CDH13: variants seen among roughly 807,000 people sequenced by gnomAD.
CDH13 encodes cadherin 13, also known as cadherin-13.
A neutral mutation model predicts 63.8 loss-of-function variants in CDH13; 24 were observed. That is an observed-to-expected ratio of 0.38 (90% CI 0.27 to 0.53). CDH13 has a LOEUF of 0.53. Ranked by LOEUF, CDH13 falls within the 20% of genes least tolerant of loss-of-function variation. CDH13 has a pLI of 0.85. For synonymous variants in CDH13, 503 were observed against 355.3 expected (o/e 1.42, Z -4.67); for missense variants, 1,049 against 903.1 (o/e 1.16, Z -2.07).
intron 1 of CDH13, among the ~76,000 whole-genome samples, chr16:82,779,536 T>A (rs2035652808): frequency 6.6e-6 from 1 of 152,064 alleles, no homozygotes; most frequent in African/African-American, 2.4e-5. Context: ...AGAGGGATGG[T>A]CAGTGGCTCC....
intron 10 of CDH13, among the ~76,000 whole-genome samples, chr16:83,698,450 C>G (rs1905715503): frequency 6.6e-6 from 1 of 152,202 alleles, no homozygotes; most frequent in Non-Finnish European, 1.5e-5. Context: ...CTCCCTGAGG[C>G]CACCATGGGG....
chr16:82,995,274 G>C (rs1310562597), intron 2 of CDH13, among the ~76,000 whole-genome samples: 1 of 152,196 alleles, frequency 6.6e-6, no homozygotes, highest in Middle Eastern at 3.4e-3. Flanking sequence ...GATTTTGCTG[G>C]GCTCGTGGTC....
At chr16:83,170,347 C>T (rs1340435624) in intron 4 of CDH13, among the ~76,000 whole-genome samples, 1 of 152,102 alleles carries the variant, frequency 6.6e-6, no homozygotes, top group Non-Finnish European at 1.5e-5. Flanking sequence ...TGTACAAGGT[C>T]AGGGGTGGTG....
intron 1 of CDH13, among the ~76,000 whole-genome samples, chr16:82,798,143 T>C (rs1475713457): frequency 1.3e-5 from 2 of 152,208 alleles, no homozygotes; most frequent in African/African-American, 4.8e-5. Flanking sequence ...CTGGCATTTA[T>C]TAGCTGTCTA....
chr16:83,061,458 G>T (rs2031543301), intron 3 of CDH13, among the ~76,000 whole-genome samples: 1 of 152,152 alleles, frequency 6.6e-6, no homozygotes, highest in South Asian at 2.1e-4. Flanking sequence ...GAATACAATG[G>T]GATGAGTAAC....
intron 13 of CDH13, among the ~76,000 whole-genome samples, chr16:83,793,265 G>A (rs1272590324): frequency 1.3e-5 from 2 of 152,136 alleles, no homozygotes; most frequent in East Asian, 1.9e-4. Context: ...ACGTGCTTGC[G>A]AGGAGTAAGG....
intron 1 of CDH13, among the ~76,000 whole-genome samples, chr16:82,854,182 G>A (rs558990966): frequency 6.3e-4 from 96 of 152,164 alleles, no homozygotes; most frequent in African/African-American, 2.2e-3. Context: ...GGCGGATCAC[G>A]AGGTCAGGAT....
chr16:83,079,047 A>G (rs1239337402), intron 3 of CDH13, among the ~76,000 whole-genome samples: 1 of 152,120 alleles, frequency 6.6e-6, no homozygotes, highest in African/African-American at 2.4e-5. Context: ...TGCCTACCTC[A>G]GCCTACGAAA....
intron 7 of CDH13, among the ~76,000 whole-genome samples, chr16:83,559,151 T>G (rs1424069108): frequency 6.6e-6 from 1 of 152,330 alleles, no homozygotes; most frequent in East Asian, 1.9e-4. Context: ...ATGCAAAGAC[T>G]GTATTCTGAA....
At chr16:83,115,984 C>T (rs987248827) in intron 3 of CDH13, among the ~76,000 whole-genome samples, 1 of 152,202 alleles carries the variant, frequency 6.6e-6, no homozygotes, top group Admixed American at 6.5e-5. Flanking sequence ...TGCGTCTGGC[C>T]TTGTGTTCAG....
chr16:82,655,155 G>A (rs972044913), intron 1 of CDH13, among the ~76,000 whole-genome samples: 5 of 152,264 alleles, frequency 3.3e-5, no homozygotes, highest in Non-Finnish European at 7.4e-5. Context: ...CTGAATGCCC[G>A]CAAGCACCAG....
intron 1 of CDH13, among the ~76,000 whole-genome samples, chr16:82,754,788 C>T (rs2034550319): frequency 6.6e-6 from 1 of 152,198 alleles, no homozygotes; most frequent in African/African-American, 2.4e-5. Flanking sequence ...CAACTCATTT[C>T]ATTTGCGTCC....
intron 2 of CDH13, among the ~76,000 whole-genome samples, chr16:83,000,514 C>G (rs1912791784): frequency 6.7e-6 from 1 of 150,128 alleles, no homozygotes; most frequent in African/African-American, 2.4e-5. Context: ...TCCCAAAGTG[C>G]TAGGATTACA....
chr16:83,249,480 T>A (rs560795149), intron 5 of CDH13, among the ~76,000 whole-genome samples: 14 of 152,366 alleles, frequency 9.2e-5, no homozygotes, highest in Non-Finnish European at 1.8e-4. Flanking sequence ...TAACTTTCTC[T>A]GCTTGAGGCA....
chr16:83,416,811 C>A (rs1426929196), intron 6 of CDH13, among the ~76,000 whole-genome samples: 1 of 152,120 alleles, frequency 6.6e-6, no homozygotes, highest in Non-Finnish European at 1.5e-5. Context: ...TGTCTTTAAG[C>A]CACCTAATTA....
chr16:82,884,221 G>T (rs1294787157), intron 2 of CDH13: 1 of 455,688 alleles, frequency 2.2e-6, no homozygotes, highest in East Asian at 7.0e-5. Context: ...TAAAGTAGAG[G>T]CCACTTTTAA....
At chr16:82,903,143 G>C (rs1267152752) in intron 2 of CDH13, among the ~76,000 whole-genome samples, 1 of 152,236 alleles carries the variant, frequency 6.6e-6, no homozygotes, top group Non-Finnish European at 1.5e-5. Flanking sequence ...ACCACCTCAG[G>C]CCTCTGCCTG....
At chr16:82,695,469 C>A (rs894541084) in intron 1 of CDH13, among the ~76,000 whole-genome samples, 1 of 152,130 alleles carries the variant, frequency 6.6e-6, no homozygotes, top group Non-Finnish European at 1.5e-5. Context: ...GCAGGGTTAG[C>A]ACGTGGCTCC....
chr16:82,713,328 C>T (rs1041604309), intron 1 of CDH13, among the ~76,000 whole-genome samples: 7 of 152,234 alleles, frequency 4.6e-5, no homozygotes, highest in Middle Eastern at 3.4e-3. Flanking sequence ...AGAACCACTG[C>T]GCTCAGAACT....
Sources: gnomAD v4.1 joint callset for allele counts (sites outside exome capture counted in the v4.1 genomes callset) on GRCh38, gnomAD v4.1.1 for gene constraint, MANE v1.5 for transcripts, NCBI Gene and HGNC (gene_info 2026-07-23, HGNC 2026-07-21) for gene names.